STPG2: variants seen among roughly 807,000 people sequenced by gnomAD.
STPG2 encodes sperm-tail PG-rich repeat-containing protein 2.
In STPG2, 56 loss-of-function variants were observed where a neutral mutation model predicts 54.2. That is an observed-to-expected ratio of 1.03 (90% CI 0.83 to 1.29). STPG2 has a LOEUF of 1.29. STPG2 is among the 50% of genes most tolerant of loss of function. The pLI, the probability that STPG2 is intolerant of heterozygous loss-of-function variation, is 0.00. For missense variants in STPG2, 596 were observed against 544.9 expected, an observed-to-expected ratio of 1.09 and a Z score of -0.93; for synonymous variants, 200 against 181.8, an observed-to-expected ratio of 1.10 and a Z score of -0.81.
intron 8 of STPG2, among the ~76,000 whole-genome samples, chr4:97,903,336 C>T (rs562535694): frequency 2.6e-5 from 4 of 151,906 alleles, no homozygotes; most frequent in African/African-American, 9.7e-5. Context: ...TCACATTGTA[C>T]ACTTTGAATA....
intron 8 of STPG2, among the ~76,000 whole-genome samples, chr4:97,897,359 A>G (rs903370135): frequency 6.6e-6 from 1 of 151,150 alleles, no homozygotes. Flanking sequence ...TAGTGCTGCA[A>G]TGAACATATG....
Position 97,779,825 on chromosome 4 carries a change from C to A in STPG2, c.1204+60948G>T, listed in dbSNP as rs572670450. Among the ~76,000 whole-genome samples, 4 of 152,220 alleles carry A rather than the reference C, an allele frequency of 2.6e-5. No homozygotes were observed. The East Asian group carries it at 7.7e-4, about 29-fold the overall frequency. On this transcript the variant is annotated intron_variant, in intron 9 of 10. Transcript: ENST00000295268. ...TTCAACCTAGAAATTCATATCCAGC[C>A]AAACTAAGCTTCATAAGTGAAGGAG...
chr4:97,943,630 T>G (rs1311509514), intron 8 of STPG2, among the ~76,000 whole-genome samples: 1 of 152,186 alleles, frequency 6.6e-6, no homozygotes, highest in Non-Finnish European at 1.5e-5. Flanking sequence ...CACAGCAAGT[T>G]CAGCTTTCAT....
intron 9 of STPG2, among the ~76,000 whole-genome samples, chr4:97,819,536 A>T (rs1398032162): frequency 6.6e-6 from 1 of 152,112 alleles, no homozygotes; most frequent in Non-Finnish European, 1.5e-5. Flanking sequence ...GAGTAAAGTA[A>T]GTCTCAGTAC....
intron 8 of STPG2, among the ~76,000 whole-genome samples, chr4:97,926,996 T>C (rs1400005803): frequency 6.6e-6 from 1 of 152,114 alleles, no homozygotes; most frequent in Non-Finnish European, 1.5e-5. Flanking sequence ...CTTGTTATCC[T>C]TACTTAATAG....
chr4:97,512,792 T>A (rs1730999686), intron 4 of STPG2, among the ~76,000 whole-genome samples: 1 of 152,066 alleles, frequency 6.6e-6, no homozygotes, highest in Non-Finnish European at 1.5e-5. Flanking sequence ...AAATCTTTTT[T>A]TCATACTATA....
At chr4:97,802,129 A>G (rs1365754556) in intron 9 of STPG2, among the ~76,000 whole-genome samples, 2 of 152,162 alleles carry the variant, frequency 1.3e-5, no homozygotes, top group African/African-American at 4.8e-5. Flanking sequence ...ACACTTTGAG[A>G]AACACTGTTT....
At chr4:98,052,799 G>A (rs1462865425) in intron 5 of STPG2, among the ~76,000 whole-genome samples, 1 of 152,100 alleles carries the variant, frequency 6.6e-6, no homozygotes, top group African/African-American at 2.4e-5. Flanking sequence ...TTCTGGAGAA[G>A]AATCTGTATA....
intron 9 of STPG2, among the ~76,000 whole-genome samples, chr4:97,741,782 C>G (rs1345039124): frequency 6.6e-6 from 1 of 151,884 alleles, no homozygotes; most frequent in East Asian, 1.9e-4. Flanking sequence ...TAAACTAGTT[C>G]AACCATTGTG....
intron 9 of STPG2, among the ~76,000 whole-genome samples, chr4:97,836,737 CTTCATT>C (rs1405641068): frequency 1.3e-5 from 2 of 151,436 alleles, no homozygotes; most frequent in African/African-American, 4.8e-5. Context: ...CAATCTACCT[CTTCATT>C]TATTAAATGT....
intron 4 of STPG2, among the ~76,000 whole-genome samples, chr4:97,512,634 A>G (rs1308287909): frequency 1.3e-5 from 2 of 152,066 alleles, no homozygotes; most frequent in African/African-American, 2.4e-5. Context: ...GAAAGCAAAA[A>G]TAAAGAAAAG....
chr4:97,696,471 C>T (rs951687056), intron 10 of STPG2, among the ~76,000 whole-genome samples: 1 of 152,204 alleles, frequency 6.6e-6, no homozygotes, highest in African/African-American at 2.4e-5. Context: ...TAGGCCAAGA[C>T]TTCACGACTA....
intron 5 of STPG2, among the ~76,000 whole-genome samples, chr4:98,068,682 T>A (rs915565764): frequency 2.6e-5 from 4 of 152,090 alleles, no homozygotes; most frequent in Non-Finnish European, 4.4e-5. Flanking sequence ...CATGAATCAC[T>A]TAACGATGGG....
At chr4:97,635,756 A>G (rs557415480) in intron 10 of STPG2, among the ~76,000 whole-genome samples, 7 of 152,254 alleles carry the variant, frequency 4.6e-5, no homozygotes, top group Admixed American at 1.3e-4. Context: ...GCCATTACAT[A>G]ATGGTAAAGG....
chr4:97,866,448 C>T (rs917873185), intron 8 of STPG2, among the ~76,000 whole-genome samples: 5 of 151,924 alleles, frequency 3.3e-5, no homozygotes, highest in African/African-American at 4.8e-5. Context: ...TTCTCTTCCT[C>T]TCTAGGTTTG....
At chr4:97,784,450 G>A (rs1726759777) in intron 9 of STPG2, among the ~76,000 whole-genome samples, 1 of 151,936 alleles carries the variant, frequency 6.6e-6, no homozygotes, top group African/African-American at 2.4e-5. Context: ...CTATAGTAAT[G>A]CTGTGATATT....
intron 9 of STPG2, among the ~76,000 whole-genome samples, chr4:97,798,421 T>C (rs1376559146): frequency 6.6e-6 from 1 of 152,248 alleles, no homozygotes; most frequent in Non-Finnish European, 1.5e-5. Context: ...TCTTGATTTC[T>C]GACTTCATTT....
intron 10 of STPG2, among the ~76,000 whole-genome samples, chr4:97,684,925 C>A (rs543155044): frequency 6.6e-6 from 1 of 151,780 alleles, no homozygotes; most frequent in African/African-American, 2.4e-5. Context: ...TGAACAGACA[C>A]CTCACTAAAG....
intron 9 of STPG2, among the ~76,000 whole-genome samples, chr4:97,817,311 T>C (rs1727948828): frequency 6.6e-6 from 1 of 151,634 alleles, no homozygotes; most frequent in African/African-American, 2.4e-5. Context: ...AACTATCTGA[T>C]AAATTATTGT....
Sources: allele counts gnomAD v4.1 joint callset (sites outside exome capture counted in the v4.1 genomes callset), GRCh38; gene constraint gnomAD v4.1.1; transcripts MANE v1.5; gene names NCBI Gene and HGNC (gene_info 2026-07-23, HGNC 2026-07-21).